The following ZNF568 variants were observed in gnomAD, a reference collection of about 807,000 sequenced individuals.
ZNF568 encodes p53 inhibitor of SCO2 activation.
A neutral mutation model predicts 18.1 loss-of-function variants in ZNF568; 11 were observed. That is an observed-to-expected ratio of 0.61 (90% confidence interval 0.38 to 1.00). The LOEUF is 1.00. Among genes scored for constraint, ZNF568 ranks in the 50% least tolerant of loss-of-function variants. The probability of loss-of-function intolerance (pLI) is 0.01; values close to 1 mark genes in which losing one functional copy is unlikely to be tolerated. For missense variants in ZNF568, 639 were observed against 768.2 expected (o/e 0.83, Z 1.99); for synonymous variants, 213 against 246.6 (o/e 0.86, Z 1.28).
At chr19:36,982,280 G>A (rs1255976859), downstream of ZNF568, among the ~76,000 whole-genome samples, 3 of 152,062 alleles carry the variant, frequency 2.0e-5, no homozygotes, top group African/African-American at 7.2e-5. Flanking sequence ...TTTTACTTAT[G>A]TTTGCACTTG....
chr19:36,951,873 GC>G lies in ZNF568; in HGVS notation c.*788del. The G allele has an allele frequency of 7.9e-6, 7 of 887,148 alleles. No individual in the cohort carries two copies. Among genetic ancestry groups the G allele is most frequent in the Non-Finnish European group, 9.4e-6 (7 of 741,450 alleles). 55.0% of individuals were successfully genotyped at this position (887,148 alleles called of 1,614,324 possible). ...TGAACTCCTGACTTCAAAAGTGATCGCCCTCTTTGGCCTCCCAAAGTGCTGG... is the reference window on the plus strand; with the variant it reads ...TGAACTCCTGACTTCAAAAGTGATCGCCTCTTTGGCCTCCCAAAGTGCTGG... On this transcript the variant is annotated 3_prime_UTR_variant, in exon 7 of 7. Transcript: ENST00000333987.
At position 36,936,250 on chromosome 19, in the gene ZNF568, A is replaced by G. The variant is rs372531549; in HGVS notation, c.136-496A>G. Among the ~76,000 whole-genome samples, 7 of 152,212 alleles carry G rather than the reference A, an allele frequency of 4.6e-5. No homozygotes were observed. The East Asian group carries it at 1.2e-3, about 25-fold the overall frequency. ...ATTCCCTCTTCCCTTGTTTTGTACT[A>G]TTATTGTTATATATGTTACAGACTC... On this transcript the variant is annotated intron_variant, in intron 4 of 6. Coordinates refer to ENST00000333987, the MANE Select transcript of ZNF568 (RefSeq NM_198539.4).
chr19:36,967,534 G>C (rs1043113467), intron 6 of ZNF568, among the ~76,000 whole-genome samples: 1 of 152,106 alleles, frequency 6.6e-6, no homozygotes, highest in Admixed American at 6.5e-5. Flanking sequence ...CTGTACTCCA[G>C]CCTAGGCAAC....
downstream of ZNF568, among the ~76,000 whole-genome samples, chr19:36,954,181 C>T (rs556842407): frequency 1.1e-4 from 16 of 152,192 alleles, no homozygotes; most frequent in East Asian, 2.7e-3. Flanking sequence ...GCCAAGATCA[C>T]GCCAGTGCAC....
intron 2 of ZNF568, among the ~76,000 whole-genome samples, chr19:36,990,347 G>A (rs1644678): frequency 0.53 from 80,775 of 151,708 alleles, 21,985 homozygotes; most frequent in African/African-American, 0.61. Context: ...AGGCACGGTG[G>A]CTCATGCCTG....
chr19:36,986,165 GA>G (rs1248379562), intron 2 of ZNF568, among the ~76,000 whole-genome samples: 4 of 152,136 alleles, frequency 2.6e-5, no homozygotes, highest in Admixed American at 2.0e-4. Context: ...TTCCTCAGAG[GA>G]AAATGTTTCC....
At chr19:36,971,846 C>CTTTTT (rs10672807) in intron 6 of ZNF568, among the ~76,000 whole-genome samples, 1 of 142,936 alleles carries the variant, frequency 7.0e-6, no homozygotes, top group African/African-American at 2.6e-5. Flanking sequence ...CTATTTATAA[C>CTTTTT]TTTTTTTTTT....
chr19:36,983,968 G>A (rs983316118), downstream of ZNF568, among the ~76,000 whole-genome samples: 3 of 137,024 alleles, frequency 2.2e-5, no homozygotes, highest in East Asian at 2.2e-4. Context: ...GTGCGATCCC[G>A]GCTCACTGCA....
At chr19:36,925,115 G>T (rs2073529556) in intron 3 of ZNF568, 85 bp from the exon 4 acceptor site, 3 of 1,193,396 alleles carry the variant, frequency 2.5e-6, no homozygotes, top group Admixed American at 3.4e-5. Flanking sequence ...TCTGTAGAGG[G>T]TCTTCTAGCC....
At chr19:36,936,565 T>C in intron 4 of ZNF568, 181 bp from the exon 5 acceptor site, 1 of 478,100 alleles carries the variant, frequency 2.1e-6, no homozygotes, top group Non-Finnish European at 3.6e-6. Context: ...TAATGTTTTT[T>C]GTCAGATTTG....
downstream of ZNF568, among the ~76,000 whole-genome samples, chr19:36,983,468 T>G (rs923287021): frequency 1.3e-5 from 2 of 152,196 alleles, no homozygotes; most frequent in Admixed American, 6.5e-5. Flanking sequence ...TAGTATGTAT[T>G]CATTCATGCA....
chr19:36,997,342 A>G, downstream of ZNF568: 1 of 1,601,908 alleles, frequency 6.2e-7, no homozygotes, highest in Non-Finnish European at 8.5e-7. Flanking sequence ...CTCAGAACTT[A>G]CCCGACATCA....
chr19:36,991,834 G>A, exon 4 of ZNF568: 1 of 1,572,610 alleles, frequency 6.4e-7, no homozygotes, highest in Non-Finnish European at 8.6e-7. Context: ...GGAGACAAAA[G>A]AATGGTGTCC....
In ZNF568 at chr19:36,965,936, G is replaced by C. The variant is rs2074191230; in HGVS notation, c.359-8484G>C. 2.0e-5 allele frequency among the ~76,000 whole-genome samples: 3 copies of C among 151,730 alleles called. No individual in the cohort carries two copies. In the South Asian group the frequency reaches 6.3e-4, roughly 32 times the overall value. Reference sequence around the variant, plus strand: ...GGTGGTCTCAAACTCCTGACCTCAGGTGATCTGCCCGCCTCGGCCTCCCAA... The same window carrying C: ...GGTGGTCTCAAACTCCTGACCTCAGCTGATCTGCCCGCCTCGGCCTCCCAA... On this transcript the variant is annotated intron_variant, in intron 6 of 7. Transcript: ENST00000427117.
At chr19:36,995,876 T>A (rs1453575767) in intron 4 of ZNF568, among the ~76,000 whole-genome samples, 1 of 152,232 alleles carries the variant, frequency 6.6e-6, no homozygotes, top group Non-Finnish European at 1.5e-5. Flanking sequence ...AATTACATAT[T>A]TATACATTAT....
At chr19:36,967,651 T>C (rs1342865555) in intron 6 of ZNF568, among the ~76,000 whole-genome samples, 1 of 152,226 alleles carries the variant, frequency 6.6e-6, no homozygotes, top group African/African-American at 2.4e-5. Flanking sequence ...CCATAGAAGC[T>C]GGCTGCTGAT....
exon 3 of ZNF568, chr19:36,991,262 T>A (rs760014584): frequency 1.3e-6 from 2 of 1,535,606 alleles, no homozygotes; most frequent in Non-Finnish European, 1.7e-6. Flanking sequence ...TGTACCGAGA[T>A]GTAATGTTGG....
rs866847431 is a variant in ZNF568, at chr19:36,917,622, T to A, written c.-212T>A. On this transcript the variant is annotated 5_prime_UTR_variant, in exon 2 of 7. Transcript: ENST00000333987. ...GCATATTGCTGGGCTTACATCCGTT[T>A]ATCTTGTTTGACTGTTATTTTAATA... 1.3e-5 allele frequency: 2 copies of A among 152,278 alleles called. No homozygotes were observed. Among genetic ancestry groups the A allele is most frequent in the South Asian group, 4.1e-4 (2 of 4,836 alleles). The allele number at this position is 152,278 out of a possible 1,614,324, so 9.4% of individuals were successfully genotyped here.
Position 36,949,872 on chromosome 19 carries a change from A to T in ZNF568, c.719A>T (p.His240Leu). 4 of 1,614,028 alleles carry T rather than the reference A, an allele frequency of 2.5e-6. No homozygotes were observed. The highest frequency in any genetic ancestry group is 3.4e-6 in the Non-Finnish European group (4 of 1,179,934). The change falls in exon 7 of 7, where the codon CAT becomes CTT. Residue 240 changes from histidine (H) to leucine (L), a missense_variant. Coordinates refer to ENST00000333987, the MANE Select transcript of ZNF568 (RefSeq NM_198539.4). ...DFSHKFDLIR[H>L]ERIHAGEKPY... ...AGTCATAAATTTGACCTCATTAGACATGAGCGAATTCATGCTGGAGAGAAA... is the reference window on the plus strand; with the variant it reads ...AGTCATAAATTTGACCTCATTAGACTTGAGCGAATTCATGCTGGAGAGAAA...
Sources: gnomAD v4.1 joint callset for allele counts (sites outside exome capture counted in the v4.1 genomes callset) on GRCh38, gnomAD v4.1.1 for gene constraint, MANE v1.5 for transcripts, NCBI Gene and HGNC (gene_info 2026-07-23, HGNC 2026-07-21) for gene names.